The following ADAM12 variants were observed in gnomAD, a reference collection of about 807,000 sequenced individuals.
The protein encoded by ADAM12 is ADAM metallopeptidase domain 12, also known as disintegrin and metalloproteinase domain-containing protein 12.
A neutral mutation model predicts 106.4 loss-of-function variants in ADAM12; 70 were observed. The ratio of observed to expected loss-of-function variants is 0.66; its 90% CI spans 0.54 to 0.80. The LOEUF is 0.80. Among genes scored for constraint, ADAM12 ranks in the 30% least tolerant of loss-of-function variants. ADAM12 has a pLI of 0.00. For missense variants in ADAM12, 1,010 were observed against 1,171.9 expected (o/e 0.86, Z 2.02); for synonymous variants, 420 against 433.5 (o/e 0.97, Z 0.39).
chr10:126,038,150 C>T (rs569900501), intron 20 of ADAM12, 91 bp downstream of exon 20: 14 of 1,177,064 alleles, frequency 1.2e-5, no homozygotes, highest in East Asian at 5.1e-5. Context: ...TCACAGGCAG[C>T]GCCTCTAGGA....
chr10:126,383,877 C>T (rs1410680352), intron 1 of ADAM12, among the ~76,000 whole-genome samples: 4 of 152,130 alleles, frequency 2.6e-5, no homozygotes, highest in Admixed American at 6.5e-5. Context: ...CAGCAATGTA[C>T]ATAGTTAAAA....
At chr10:126,250,947 G>A (rs886553845) in intron 3 of ADAM12, among the ~76,000 whole-genome samples, 5 of 152,100 alleles carry the variant, frequency 3.3e-5, no homozygotes, top group African/African-American at 7.2e-5. Flanking sequence ...AATATGCAAC[G>A]GCTGATTTTT....
At chr10:126,257,948 G>A (rs1353669843) in intron 3 of ADAM12, among the ~76,000 whole-genome samples, 1 of 152,116 alleles carries the variant, frequency 6.6e-6, no homozygotes, top group African/African-American at 2.4e-5. Context: ...TAAGATAGGT[G>A]CCTACTCTAT....
At chr10:126,041,928 G>C (rs1482258917) in intron 18 of ADAM12, 5 of 1,414,412 alleles carry the variant, frequency 3.5e-6, no homozygotes, top group Non-Finnish European at 3.7e-6. Context: ...CAACCAGGAA[G>C]TCGCTGCCCT....
Position 126,278,964 on chromosome 10 carries a change from G to T in ADAM12, c.211C>A (p.Arg71=), listed in dbSNP as rs117627830. The change falls in exon 3 of 23, where the codon CGA becomes AGA. Residue 71 remains arginine, a synonymous_variant. Transcript: ENST00000448723. The part of the protein sequence containing the change: ...SKNHPEVLNI[R]LQRESKELII... ...AGTTCTTTGCTTTCCCGTTGTAGTC[G>T]AATATTCAGCACTTCTGGATGATTC... The T allele has an allele frequency of 0.019, 30,937 of 1,612,034 alleles. 364 individuals are homozygous for T. The highest frequency in any genetic ancestry group is 0.023 in the Non-Finnish European group (27,092 of 1,178,510).
chr10:126,289,473 G>A (rs1291703757), intron 2 of ADAM12, among the ~76,000 whole-genome samples: 1 of 152,174 alleles, frequency 6.6e-6, no homozygotes, highest in Admixed American at 6.5e-5. Flanking sequence ...GTTCAGTGTC[G>A]ATGCCAGCTG....
chr10:126,193,756 A>C (rs1957546091), intron 3 of ADAM12, among the ~76,000 whole-genome samples: 1 of 151,998 alleles, frequency 6.6e-6, no homozygotes, highest in Non-Finnish European at 1.5e-5. Flanking sequence ...AATTAGCTGC[A>C]TGTGGTGGCG....
At chr10:126,372,503 C>G (rs1856144822) in intron 1 of ADAM12, among the ~76,000 whole-genome samples, 1 of 152,172 alleles carries the variant, frequency 6.6e-6, no homozygotes, top group East Asian at 1.9e-4. Context: ...CACTCCAAGT[C>G]CAGAATTCTG....
In ADAM12 at chr10:126,157,028, T is replaced by C. The variant is rs1239112515; in HGVS notation, c.261-1723A>G. On this transcript the variant is annotated intron_variant, in intron 3 of 22. Transcript: ENST00000448723. ...CACACCGTTTGGTTTTGTGTGTGTG[T>C]GTGTGGGGGGGTGCTCCTCCACTCT... is the stretch of plus-strand genomic sequence containing the variant. Among the ~76,000 whole-genome samples, 136 of 141,676 alleles carry C rather than the reference T, an allele frequency of 9.6e-4. 1 individual carries two copies. In the South Asian group the frequency reaches 0.022, roughly 23 times the overall value. The allele number at this position is 141,676 out of a possible 152,430, so 92.9% of individuals were successfully genotyped here. A position where few individuals can be genotyped will look rare whatever the true frequency, so the allele number is the denominator to read the frequency against.
intron 3 of ADAM12, among the ~76,000 whole-genome samples, chr10:126,174,527 A>C (rs1324131130): frequency 6.6e-6 from 1 of 152,000 alleles, no homozygotes; most frequent in East Asian, 1.9e-4. Context: ...TAACAACTTT[A>C]AGACACTATT....
intron 13 of ADAM12, among the ~76,000 whole-genome samples, 190 bp from the exon 14 acceptor site, chr10:126,065,191 C>T (rs571722331): frequency 2.0e-5 from 3 of 152,292 alleles, no homozygotes; most frequent in East Asian, 1.9e-4. Context: ...TTCACTGTTC[C>T]ACTCTAAAGT....
intron 1 of ADAM12, among the ~76,000 whole-genome samples, chr10:126,335,993 A>G (rs1854685814): frequency 6.6e-6 from 1 of 152,246 alleles, no homozygotes; most frequent in Admixed American, 6.5e-5. Flanking sequence ...AGTCTGAGGT[A>G]CTGTCACAGA....
chr10:126,021,723 T>C (rs939299110), intron 21 of ADAM12, among the ~76,000 whole-genome samples: 6 of 152,218 alleles, frequency 3.9e-5, no homozygotes, highest in African/African-American at 1.2e-4. Flanking sequence ...GGGATGATCA[T>C]AGTCCCTTCC....
chr10:126,251,446 A>AT (rs1288127239), intron 3 of ADAM12, among the ~76,000 whole-genome samples: 4 of 33,764 alleles, frequency 1.2e-4, no homozygotes, highest in Non-Finnish European at 2.5e-4. Flanking sequence ...AACCAATAGG[A>AT]TAGATGGATG....
intron 1 of ADAM12, among the ~76,000 whole-genome samples, chr10:126,344,628 T>G (rs928411048): frequency 3.3e-5 from 5 of 152,172 alleles, no homozygotes; most frequent in Non-Finnish European, 2.9e-5. Context: ...TGGCCATTTT[T>G]ACGATATTGA....
chr10:126,050,446 A>G (rs1355604992), intron 14 of ADAM12, among the ~76,000 whole-genome samples: 1 of 152,270 alleles, frequency 6.6e-6, no homozygotes, highest in Non-Finnish European at 1.5e-5. Flanking sequence ...GAGCAAGTCA[A>G]GAAAACATGC....
chr10:126,103,315 T>A (rs1955703265), intron 8 of ADAM12, among the ~76,000 whole-genome samples: 1 of 152,190 alleles, frequency 6.6e-6, no homozygotes, highest in Admixed American at 6.5e-5. Context: ...TCATACATGA[T>A]GCCTTTGCTG....
chr10:126,339,893 C>T (rs1854861651), intron 1 of ADAM12, among the ~76,000 whole-genome samples: 2 of 129,930 alleles, frequency 1.5e-5, no homozygotes, highest in Non-Finnish European at 3.1e-5. Context: ...CTTGCTCTCT[C>T]ACCCAGGCTG....
intron 2 of ADAM12, among the ~76,000 whole-genome samples, chr10:126,289,984 T>A (rs943202023): frequency 2.0e-5 from 3 of 152,208 alleles, no homozygotes; most frequent in Admixed American, 6.5e-5. Flanking sequence ...CAATTAAGGT[T>A]AAGGACAGGG....
Sources: gnomAD v4.1 joint callset for allele counts (sites outside exome capture counted in the v4.1 genomes callset) on GRCh38, gnomAD v4.1.1 for gene constraint, MANE v1.5 for transcripts, NCBI Gene and HGNC (gene_info 2026-07-23, HGNC 2026-07-21) for gene names.